The following TBCA variants were observed in gnomAD, a reference collection of about 807,000 sequenced individuals.
The protein encoded by TBCA is tubulin-specific chaperone A.
A neutral mutation model predicts 15.8 loss-of-function variants in TBCA; 6 were observed. That is an observed-to-expected ratio of 0.38 (90% CI 0.21 to 0.75). The LOEUF (loss-of-function observed/expected upper bound fraction) is 0.75, where lower values mean the gene tolerates loss of function less well. TBCA is among the 30% of genes least tolerant of loss of function. The pLI is 0.46. For synonymous variants in TBCA, 32 were observed against 42.3 expected (o/e 0.76, Z 0.94); for missense variants, 90 against 131.2 (o/e 0.69, Z 1.53).
intron 3 of TBCA, chr5:77,692,894 C>T: frequency 5.1e-6 from 6 of 1,182,344 alleles, no homozygotes; most frequent in Non-Finnish European, 6.3e-6. Context: ...ATCCCAAATT[C>T]TTTTGAAACA....
chr5:77,759,823 A>T (rs756027089), intron 1 of TBCA, among the ~76,000 whole-genome samples: 113 of 152,330 alleles, frequency 7.4e-4, no homozygotes, highest in Middle Eastern at 6.8e-3. Context: ...ATAAGTATGT[A>T]TACTTATACA....
intron 1 of TBCA, among the ~76,000 whole-genome samples, chr5:77,751,159 C>CTTTT (rs10573352): frequency 1.4e-3 from 112 of 81,862 alleles, no homozygotes; most frequent in East Asian, 2.2e-3. Flanking sequence ...TTCTTTCTTT[C>CTTTT]TTTTTTTTTT....
At chr5:77,711,709 T>A (rs1207550199) in intron 1 of TBCA, among the ~76,000 whole-genome samples, 1 of 152,338 alleles carries the variant, frequency 6.6e-6, no homozygotes, top group African/African-American at 2.4e-5. Flanking sequence ...GAGGATTCTA[T>A]GCCTAAGCCC....
intron 1 of TBCA, among the ~76,000 whole-genome samples, chr5:77,753,884 G>A (rs1194170323): frequency 2.6e-5 from 4 of 151,980 alleles, no homozygotes; most frequent in Non-Finnish European, 4.4e-5. Context: ...TCAGCCTCAT[G>A]AGTAGCTGGG....
At chr5:77,735,068 T>C (rs1447143339) in intron 1 of TBCA, among the ~76,000 whole-genome samples, 1 of 152,250 alleles carries the variant, frequency 6.6e-6, no homozygotes, top group East Asian at 1.9e-4. Context: ...AACTTTTATA[T>C]GCACTTGAGA....
At chr5:77,715,174 G>A (rs991007358) in intron 1 of TBCA, 9 of 688,406 alleles carry the variant, frequency 1.3e-5, no homozygotes, top group Non-Finnish European at 1.0e-5. Context: ...TAGGCCAAGG[G>A]ATCTATTTTT....
chr5:77,732,665 T>A (rs1200607107), intron 1 of TBCA, among the ~76,000 whole-genome samples: 1 of 152,192 alleles, frequency 6.6e-6, no homozygotes, highest in Non-Finnish European at 1.5e-5. Flanking sequence ...TCTTACATTT[T>A]GATAATTCTT....
At chr5:77,769,462 G>A (rs959911457) in intron 1 of TBCA, among the ~76,000 whole-genome samples, 2 of 152,002 alleles carry the variant, frequency 1.3e-5, no homozygotes, top group African/African-American at 4.8e-5. Flanking sequence ...GAGACTTTAC[G>A]TCTACTTAAG....
chr5:77,743,848 C>T lies in TBCA; in HGVS notation c.53+32357G>A, dbSNP rs1296682450. Among the ~76,000 whole-genome samples, 3 of 152,108 alleles carry T rather than the reference C, an allele frequency of 2.0e-5. No individual in the cohort carries two copies. In the East Asian group the frequency reaches 5.8e-4, roughly 29 times the overall value. The stretch of plus-strand genomic sequence containing the variant: ...CCATTTCACAAAGTTGTGCCAGGTA[C>T]CATCGTAGGCACTAGGCATATAATG... On this transcript the variant is annotated intron_variant, in intron 1 of 3. Transcript: ENST00000380377.
chr5:77,724,399 C>G (rs1052865786), intron 1 of TBCA, among the ~76,000 whole-genome samples: 1 of 152,034 alleles, frequency 6.6e-6, no homozygotes, highest in East Asian at 1.9e-4. Context: ...TCAACACACA[C>G]CTATATTTTA....
At chr5:77,707,676 T>C (rs999344891) in intron 2 of TBCA, among the ~76,000 whole-genome samples, 13 of 152,172 alleles carry the variant, frequency 8.5e-5, no homozygotes, top group Admixed American at 1.3e-4. Context: ...CAAGTAGCCA[T>C]TGAAAAGTGC....
chr5:77,747,814 T>C (rs1747224919), intron 1 of TBCA, among the ~76,000 whole-genome samples: 2 of 152,194 alleles, frequency 1.3e-5, no homozygotes, highest in African/African-American at 2.4e-5. Flanking sequence ...TTTTAGATTT[T>C]TGAATTTTAG....
chr5:77,741,586 T>C (rs898228589), intron 1 of TBCA, among the ~76,000 whole-genome samples: 1 of 151,970 alleles, frequency 6.6e-6, no homozygotes, highest in Admixed American at 6.6e-5. Context: ...AAAAAAGTAA[T>C]GATTAAAAAG....
At chr5:77,707,395 A>T (rs1746175123) in intron 2 of TBCA, among the ~76,000 whole-genome samples, 1 of 152,184 alleles carries the variant, frequency 6.6e-6, no homozygotes, top group South Asian at 2.1e-4. Context: ...ACTCAGTTTG[A>T]GGTGAGAGTA....
intron 1 of TBCA, among the ~76,000 whole-genome samples, chr5:77,734,096 GAA>G (rs1218287982): frequency 6.6e-6 from 1 of 152,032 alleles, no homozygotes; most frequent in Non-Finnish European, 1.5e-5. Flanking sequence ...CTACTGCTCA[GAA>G]AAAAAGACTC....
intron 2 of TBCA, among the ~76,000 whole-genome samples, chr5:77,699,695 A>G (rs545806932): frequency 6.6e-6 from 1 of 152,298 alleles, no homozygotes; most frequent in South Asian, 2.1e-4. Flanking sequence ...CCTGAAACCA[A>G]AAGTATGATT....
At chr5:77,703,212 C>T (rs1247525697) in intron 2 of TBCA, among the ~76,000 whole-genome samples, 1 of 152,088 alleles carries the variant, frequency 6.6e-6, no homozygotes, top group Non-Finnish European at 1.5e-5. Context: ...AACTCTTTGT[C>T]CAAAAATTAT....
chr5:77,753,975 C>T (rs1194776442), intron 1 of TBCA, among the ~76,000 whole-genome samples: 1 of 152,134 alleles, frequency 6.6e-6, no homozygotes, highest in Admixed American at 6.6e-5. Flanking sequence ...ACGCTGGTCT[C>T]GAACTCCTGA....
chr5:77,765,161 A>C lies in TBCA; in HGVS notation c.53+11044T>G, dbSNP rs1055435671. Among the ~76,000 whole-genome samples the C allele has an allele frequency of 5.9e-5, 9 of 152,334 alleles. 1 individual carries two copies. In the East Asian group the frequency reaches 1.7e-3, roughly 29 times the overall value. Reference sequence around the variant, plus strand: ...TTATGTCTGGAAGAGAAGCAGCTGGATTCTCGTATCTGCTTCTACATTCAA... The same window carrying C: ...TTATGTCTGGAAGAGAAGCAGCTGGCTTCTCGTATCTGCTTCTACATTCAA... On this transcript the variant is annotated intron_variant, in intron 1 of 3. Transcript: ENST00000380377.
Sources: allele counts gnomAD v4.1 joint callset (sites outside exome capture counted in the v4.1 genomes callset), GRCh38; gene constraint gnomAD v4.1.1; transcripts MANE v1.5; gene names NCBI Gene and HGNC (gene_info 2026-07-23, HGNC 2026-07-21).